The following BTRC variants were observed in gnomAD, a reference collection of about 807,000 sequenced individuals.
BTRC encodes the protein F-box/WD repeat-containing protein 1A.
BTRC carries 42 observed loss-of-function variants against 85.5 expected under a neutral mutation model. The observed-to-expected ratio is 0.49, with a 90% CI of 0.38 to 0.64. The LOEUF (loss-of-function observed/expected upper bound fraction) is 0.64. Among genes scored for constraint, BTRC ranks in the 30% least tolerant of loss-of-function variants. The pLI is 0.00. For synonymous variants in BTRC, 255 were observed against 263.3 expected, an observed-to-expected ratio of 0.97 and a Z score of 0.30; for missense variants, 594 against 743.5, an observed-to-expected ratio of 0.80 and a Z score of 2.34.
intron 3 of BTRC, among the ~76,000 whole-genome samples, chr10:101,477,765 T>C (rs1309694667): frequency 6.6e-6 from 1 of 152,094 alleles, no homozygotes; most frequent in Non-Finnish European, 1.5e-5. Context: ...TTCTCGTCCC[T>C]CAGCCTCCTG....
At chr10:101,463,166 C>T (rs1007371570) in intron 3 of BTRC, among the ~76,000 whole-genome samples, 5 of 152,168 alleles carry the variant, frequency 3.3e-5, no homozygotes, top group Non-Finnish European at 7.3e-5. Flanking sequence ...CTGCCTCAGC[C>T]TCCTGCGTAA....
At chr10:101,505,179 T>TATATA (rs1564812310) in intron 4 of BTRC, among the ~76,000 whole-genome samples, 4 of 40,396 alleles carry the variant, frequency 9.9e-5, no homozygotes, top group Non-Finnish European at 1.9e-4. Context: ...ATATATATAT[T>TATATA]TTTTAGTAGA....
chr10:101,376,670 A>G (rs903767447), intron 1 of BTRC, among the ~76,000 whole-genome samples: 1 of 152,172 alleles, frequency 6.6e-6, no homozygotes, highest in African/African-American at 2.4e-5. Context: ...CTGGTCCCTC[A>G]GCTCATAATC....
At chr10:101,527,361 AT>A (rs1564826898) in intron 6 of BTRC, among the ~76,000 whole-genome samples, 1 of 150,404 alleles carries the variant, frequency 6.6e-6, no homozygotes, top group African/African-American at 2.4e-5. Context: ...AATGCCTCAG[AT>A]TTTTATCATT....
chr10:101,489,393 G>A (rs1463796036), intron 4 of BTRC, among the ~76,000 whole-genome samples: 1 of 152,150 alleles, frequency 6.6e-6, no homozygotes, highest in East Asian at 1.9e-4. Context: ...ATCTGAAAGA[G>A]AGATTTTTAT....
chr10:101,419,397 C>T (rs763853582), intron 1 of BTRC, among the ~76,000 whole-genome samples: 18 of 152,146 alleles, frequency 1.2e-4, no homozygotes, highest in Non-Finnish European at 2.5e-4. Context: ...AGGCCATAAT[C>T]AAGGTGGTGT....
At chr10:101,440,331 A>T (rs1488564393) in intron 2 of BTRC, among the ~76,000 whole-genome samples, 2 of 149,442 alleles carry the variant, frequency 1.3e-5, no homozygotes, top group Non-Finnish European at 2.9e-5. Flanking sequence ...TTTCATTTTC[A>T]TCCCTTTTGG....
At position 101,427,451 on chromosome 10, in the gene BTRC, T is replaced by C. The variant is rs922664114; in HGVS notation, c.49-2894T>C. Among the ~76,000 whole-genome samples, 4 of 150,902 alleles carry C rather than the reference T, an allele frequency of 2.7e-5. No individual in the cohort carries two copies. In the Admixed American group the frequency reaches 2.7e-4, roughly 10 times the overall value. On this transcript the variant is annotated intron_variant, in intron 1 of 14. Transcript: ENST00000370187. ...ATTTCTTATAACAATGAGTTACTTT[T>C]ATGTTAAGGATTTTTTTTTTTTTTT... is the stretch of plus-strand genomic sequence containing the variant.
At position 101,452,257 on chromosome 10, in the gene BTRC, ACTT is replaced by A. The variant is rs1337955315; in HGVS notation, c.157-9720_157-9718del. 2.6e-5 allele frequency among the ~76,000 whole-genome samples: 4 copies of A among 152,314 alleles called. No homozygotes were observed. The South Asian group carries it at 6.2e-4, about 24-fold the overall frequency. On this transcript the variant is annotated intron_variant, in intron 2 of 14. Transcript: ENST00000370187. ...ATAAATGCACAAGGCCCAGAAATGA[ACTT>A]CTTTTTTATTATTATTTCTCTTTGC...
At chr10:101,537,201 C>A (rs1400726303) in intron 12 of BTRC, among the ~76,000 whole-genome samples, 1 of 152,092 alleles carries the variant, frequency 6.6e-6, no homozygotes, top group Non-Finnish European at 1.5e-5. Context: ...TGAATGGACC[C>A]CATGTCCACC....
chr10:101,498,692 A>C (rs1946325799), intron 4 of BTRC, among the ~76,000 whole-genome samples: 1 of 152,142 alleles, frequency 6.6e-6, no homozygotes, highest in Non-Finnish European at 1.5e-5. Flanking sequence ...TCTTGGTGCT[A>C]GAAAATAATA....
At chr10:101,479,559 T>C (rs1945782980) in intron 4 of BTRC, 102 bp downstream of exon 4, 1 of 888,832 alleles carries the variant, frequency 1.1e-6, no homozygotes, top group Non-Finnish European at 1.7e-6. Context: ...TACAGGATTA[T>C]ATAGTTAAGA....
chr10:101,372,952 G>A (rs1031673711), intron 1 of BTRC, among the ~76,000 whole-genome samples: 1 of 152,146 alleles, frequency 6.6e-6, no homozygotes, highest in Non-Finnish European at 1.5e-5. Flanking sequence ...TAAGTTTTGG[G>A]AGAGCTGAGA....
At chr10:101,499,279 C>A (rs908130791) in intron 4 of BTRC, among the ~76,000 whole-genome samples, 1 of 151,466 alleles carries the variant, frequency 6.6e-6, no homozygotes, top group Non-Finnish European at 1.5e-5. Flanking sequence ...CTCGTTCTGT[C>A]GGGCTGGAGT....
chr10:101,540,381 T>A (rs1391498738), intron 13 of BTRC, among the ~76,000 whole-genome samples: 5 of 152,212 alleles, frequency 3.3e-5, no homozygotes, highest in Non-Finnish European at 7.3e-5. Context: ...TTCAAAAGAC[T>A]GTCCTTTCGA....
At chr10:101,406,608 C>T (rs554024678) in intron 1 of BTRC, among the ~76,000 whole-genome samples, 1 of 129,842 alleles carries the variant, frequency 7.7e-6, no homozygotes, top group East Asian at 2.5e-4. Flanking sequence ...GATCTTGGCT[C>T]ACTGCACCTC....
chr10:101,525,288 C>A (rs1464698407), intron 5 of BTRC, among the ~76,000 whole-genome samples: 1 of 152,182 alleles, frequency 6.6e-6, no homozygotes, highest in Non-Finnish European at 1.5e-5. Flanking sequence ...ACAAAATATT[C>A]TCTGAAATGC....
rs757612458 is a variant in BTRC at position 101,535,476 on chromosome 10, A to G, written c.1466+4A>G. On this transcript the variant is annotated splice_donor_region_variant and intron_variant, in intron 11 of 14. Transcript: ENST00000370187. ...GCTCATCTGACAACACTATCAGGTG[A>G]GCAGCAAGTGCCTTGTATCATAAGG... is the stretch of plus-strand genomic sequence containing the variant. 6.3e-7 allele frequency: 1 copy of G among 1,593,540 alleles called. No homozygotes were observed. Among genetic ancestry groups the G allele is most frequent in the Admixed American group, 1.7e-5 (1 of 59,476 alleles).
At chr10:101,508,553 C>A (rs1946600722) in intron 4 of BTRC, among the ~76,000 whole-genome samples, 2 of 152,108 alleles carry the variant, frequency 1.3e-5, no homozygotes, top group Admixed American at 1.3e-4. Context: ...TTTGCACTCC[C>A]ACTTCCCACC....
Sources: gnomAD v4.1 joint callset for allele counts (sites outside exome capture counted in the v4.1 genomes callset) on GRCh38, gnomAD v4.1.1 for gene constraint, MANE v1.5 for transcripts, NCBI Gene and HGNC (gene_info 2026-07-23, HGNC 2026-07-21) for gene names.